Variants in DLGAP2 observed in about 807,000 individuals in gnomAD.
DLGAP2 encodes DLG associated protein 2.
In DLGAP2, 26 loss-of-function variants were observed where a neutral mutation model predicts 100.3. The observed-to-expected ratio is 0.26, with a 90% confidence interval of 0.19 to 0.36. The LOEUF is 0.36. Among genes scored for constraint, DLGAP2 ranks in the 10% least tolerant of loss-of-function variants. DLGAP2 has a pLI of 1.00. For missense variants in DLGAP2, 1,858 were observed against 1,453.2 expected, an observed-to-expected ratio of 1.28 and a Z score of -4.53; for synonymous variants, 886 against 630.1, an observed-to-expected ratio of 1.41 and a Z score of -6.08.
chr8:1,587,190 CTT>C (rs1199338409), intron 6 of DLGAP2, among the ~76,000 whole-genome samples: 2 of 152,220 alleles, frequency 1.3e-5, no homozygotes, highest in Admixed American at 6.5e-5. Flanking sequence ...ATACTGGTCT[CTT>C]TGCAGAAATC....
chr8:1,675,987 C>A (rs1798802497), intron 10 of DLGAP2, among the ~76,000 whole-genome samples: 1 of 152,186 alleles, frequency 6.6e-6, no homozygotes. Flanking sequence ...CTGTTCTGAT[C>A]TGACGTCACC....
chr8:1,327,813 C>T (rs1006154530), intron 3 of DLGAP2, among the ~76,000 whole-genome samples: 6 of 152,190 alleles, frequency 3.9e-5, no homozygotes, highest in Non-Finnish European at 7.3e-5. Flanking sequence ...CACTGCACTC[C>T]AGCCTGGGCA....
intron 2 of DLGAP2, among the ~76,000 whole-genome samples, chr8:915,700 T>A (rs112473977): frequency 0.022 from 3,322 of 152,336 alleles, 67 homozygotes; most frequent in Non-Finnish European, 0.027. Context: ...AAATGTGTGG[T>A]CATTTGTTAA....
intron 3 of DLGAP2, among the ~76,000 whole-genome samples, chr8:1,475,506 T>A (rs1450686659): frequency 1.3e-5 from 2 of 152,024 alleles, no homozygotes; most frequent in Non-Finnish European, 2.9e-5. Flanking sequence ...GCTTTGGAGG[T>A]GCCCCGCTGA....
At chr8:1,197,378 G>C (rs1023336874) in intron 2 of DLGAP2, among the ~76,000 whole-genome samples, 1 of 152,254 alleles carries the variant, frequency 6.6e-6, no homozygotes, top group Non-Finnish European at 1.5e-5. Flanking sequence ...CAATACCTGA[G>C]CCTTTTCTTT....
chr8:1,364,577 C>A (rs1164452879), intron 3 of DLGAP2, among the ~76,000 whole-genome samples: 2 of 152,158 alleles, frequency 1.3e-5, no homozygotes, highest in African/African-American at 4.8e-5. Context: ...CAACTCCATT[C>A]CCTCATCTTC....
chr8:802,545 G>A (rs899326147), intron 1 of DLGAP2, among the ~76,000 whole-genome samples: 8 of 152,268 alleles, frequency 5.3e-5, no homozygotes, highest in Admixed American at 3.9e-4. Context: ...CAGTCCGGAC[G>A]GCACATCCAG....
chr8:984,447 G>A (rs577526034), intron 2 of DLGAP2, among the ~76,000 whole-genome samples: 25 of 152,328 alleles, frequency 1.6e-4, no homozygotes, highest in Admixed American at 1.6e-3. Context: ...CTCTCAGAGG[G>A]CCCTGTTTCT....
intron 1 of DLGAP2, among the ~76,000 whole-genome samples, chr8:872,786 A>G (rs984782369): frequency 6.6e-6 from 1 of 152,262 alleles, no homozygotes; most frequent in Non-Finnish European, 1.5e-5. Flanking sequence ...CTCACCCAAA[A>G]TTGAAGCCCT....
intron 1 of DLGAP2, among the ~76,000 whole-genome samples, chr8:841,095 C>T (rs78959676): frequency 6.6e-6 from 1 of 152,130 alleles, no homozygotes; most frequent in African/African-American, 2.4e-5. Flanking sequence ...GAACTTGTTT[C>T]TATAAAACAA....
At chr8:963,751 CA>C (rs373485676) in intron 2 of DLGAP2, among the ~76,000 whole-genome samples, 2 of 152,252 alleles carry the variant, frequency 1.3e-5, no homozygotes, top group African/African-American at 4.8e-5. Context: ...AATATTATTT[CA>C]AGATCCTAAT....
chr8:1,187,768 C>A (rs1412651591), intron 2 of DLGAP2, among the ~76,000 whole-genome samples: 13 of 139,968 alleles, frequency 9.3e-5, no homozygotes, highest in South Asian at 4.5e-4. Context: ...CGGAATCTCA[C>A]ACGCCCGGGA....
intron 2 of DLGAP2, among the ~76,000 whole-genome samples, chr8:1,217,949 T>G (rs567052947): frequency 1.1e-4 from 17 of 152,298 alleles, no homozygotes; most frequent in Admixed American, 7.8e-4. Flanking sequence ...TTAATGGGGT[T>G]GTTTTTTGCT....
At chr8:1,560,308 A>T (rs183254132) in intron 5 of DLGAP2, among the ~76,000 whole-genome samples, 55 of 152,316 alleles carry the variant, frequency 3.6e-4, no homozygotes, top group Admixed American at 2.9e-3. Context: ...CTAAATGCAC[A>T]TTCTGGAATA....
intron 2 of DLGAP2, among the ~76,000 whole-genome samples, chr8:1,082,547 C>G (rs556013398): frequency 6.6e-6 from 1 of 152,312 alleles, no homozygotes; most frequent in South Asian, 2.1e-4. Context: ...TCGGAACACA[C>G]ATGTCAAAGA....
At chr8:1,119,521 C>A (rs1229148516) in intron 2 of DLGAP2, among the ~76,000 whole-genome samples, 1 of 152,202 alleles carries the variant, frequency 6.6e-6, no homozygotes, top group East Asian at 1.9e-4. Context: ...TGCTGCTCTT[C>A]TTCAGCAGAT....
At chr8:1,245,049 T>C (rs1056786281) in intron 2 of DLGAP2, among the ~76,000 whole-genome samples, 2 of 152,160 alleles carry the variant, frequency 1.3e-5, no homozygotes, top group Non-Finnish European at 2.9e-5. Flanking sequence ...TGAGACACCA[T>C]TGCCCACGTG....
At chr8:1,114,919 A>C (rs1213805947) in intron 2 of DLGAP2, among the ~76,000 whole-genome samples, 1 of 152,152 alleles carries the variant, frequency 6.6e-6, no homozygotes, top group Non-Finnish European at 1.5e-5. Context: ...GTTTCAAAGA[A>C]CTTCTTGATT....
At chr8:1,424,880 G>A (rs978435770) in intron 3 of DLGAP2, among the ~76,000 whole-genome samples, 4 of 152,212 alleles carry the variant, frequency 2.6e-5, no homozygotes, top group Non-Finnish European at 4.4e-5. Flanking sequence ...TGGGGAGGGA[G>A]AATGAGGAGG....
Sources: gnomAD v4.1 joint callset for allele counts (sites outside exome capture counted in the v4.1 genomes callset) on GRCh38, gnomAD v4.1.1 for gene constraint, MANE v1.5 for transcripts, NCBI Gene and HGNC (gene_info 2026-07-23, HGNC 2026-07-21) for gene names.